ASCC3: variants seen among roughly 807,000 people sequenced by gnomAD.
The protein encoded by ASCC3 is ASC-1 complex subunit P200.
ASCC3 carries 158 observed loss-of-function variants against 256.3 expected under a neutral mutation model. The ratio of observed to expected loss-of-function variants is 0.62; its 90% CI spans 0.54 to 0.70. ASCC3 has a LOEUF of 0.70. Ranked by LOEUF, ASCC3 falls within the 30% of genes least tolerant of loss-of-function variation. The pLI, the probability that ASCC3 is intolerant of heterozygous loss-of-function variation, is 0.00. For synonymous variants in ASCC3, 948 were observed against 883.4 expected, an observed-to-expected ratio of 1.07 and a Z score of -1.30; for missense variants, 2,259 against 2,626.0, an observed-to-expected ratio of 0.86 and a Z score of 3.05.
intron 26 of ASCC3, 151 bp downstream of exon 26, chr6:100,630,977 T>A: frequency 1.7e-6 from 1 of 596,260 alleles, no homozygotes; most frequent in South Asian, 2.2e-5. Context: ...TTTAAATAAA[T>A]GACTATGAAA....
intron 3 of ASCC3, among the ~76,000 whole-genome samples, chr6:100,854,781 A>G (rs1024909047): frequency 1.3e-5 from 2 of 152,194 alleles, no homozygotes; most frequent in Non-Finnish European, 2.9e-5. Context: ...TTCATATAAA[A>G]GCTTCCTATA....
intron 4 of ASCC3, among the ~76,000 whole-genome samples, chr6:100,828,875 CCTG>C (rs2114449981): frequency 6.6e-6 from 1 of 152,156 alleles, no homozygotes; most frequent in East Asian, 1.9e-4. Flanking sequence ...GCTCCAGCAG[CCTG>C]CTTTTATTCT....
chr6:100,530,572 G>A, intron 37 of ASCC3: 1 of 785,882 alleles, frequency 1.3e-6, no homozygotes, highest in Non-Finnish European at 2.4e-6. Context: ...AATCCAGCCA[G>A]CATTAGTGTG....
At chr6:100,592,859 A>G (rs1336243527) in intron 34 of ASCC3, among the ~76,000 whole-genome samples, 4 of 152,142 alleles carry the variant, frequency 2.6e-5, no homozygotes, top group Non-Finnish European at 5.9e-5. Context: ...TTTAAACACA[A>G]ACATTTCACA....
At chr6:100,876,267 T>C (rs28385596) in intron 1 of ASCC3, among the ~76,000 whole-genome samples, 11,477 of 152,164 alleles carry the variant, frequency 0.075, 613 homozygotes, top group Non-Finnish European at 0.11. Context: ...CTGATTTTAT[T>C]TGAGATATGC....
intron 13 of ASCC3, among the ~76,000 whole-genome samples, chr6:100,686,303 G>T (rs1777562722): frequency 6.6e-6 from 1 of 151,990 alleles, no homozygotes; most frequent in Non-Finnish European, 1.5e-5. Flanking sequence ...TTTTGATAGG[G>T]TAATATATTT....
chr6:100,693,864 AAAAT>A (rs1207093013), intron 13 of ASCC3, among the ~76,000 whole-genome samples: 2 of 152,152 alleles, frequency 1.3e-5, no homozygotes, highest in African/African-American at 4.8e-5. Flanking sequence ...CAATATATTA[AAAAT>A]AAATAAATAA....
rs192400822 is a variant in ASCC3 at position 100,732,411 on chromosome 6, C to A, written c.1738-6708G>T. 2.7e-4 allele frequency among the ~76,000 whole-genome samples: 41 copies of A among 152,202 alleles called. 1 individual carries two copies. The East Asian group carries it at 7.5e-3, about 28-fold the overall frequency. ...AAGGCAGACAGAGGAAAGGGGGAATCTAAAACCTTATCAACAAATTACAGT... is the reference window on the plus strand; with the variant it reads ...AAGGCAGACAGAGGAAAGGGGGAATATAAAACCTTATCAACAAATTACAGT... On this transcript the variant is annotated intron_variant, in intron 10 of 41. Coordinates refer to ENST00000369162, the MANE Select transcript of ASCC3 (RefSeq NM_006828.4).
chr6:100,529,411 C>T (rs529487119), intron 37 of ASCC3, among the ~76,000 whole-genome samples: 5 of 152,176 alleles, frequency 3.3e-5, no homozygotes, highest in Non-Finnish European at 7.4e-5. Context: ...ACAAAAAAGG[C>T]AAACACCCTA....
chr6:100,702,343 T>C (rs1206521263), intron 13 of ASCC3, among the ~76,000 whole-genome samples: 1 of 152,178 alleles, frequency 6.6e-6, no homozygotes, highest in African/African-American at 2.4e-5. Flanking sequence ...TTCTGGCTTA[T>C]GGAACTAAAT....
chr6:100,769,299 T>C (rs993932799), intron 8 of ASCC3, among the ~76,000 whole-genome samples: 1 of 151,952 alleles, frequency 6.6e-6, no homozygotes, highest in South Asian at 2.1e-4. Context: ...AGTTCTGGTG[T>C]CTTATTACAC....
At chr6:100,636,118 C>A (rs1229398411) in intron 25 of ASCC3, among the ~76,000 whole-genome samples, 1 of 152,180 alleles carries the variant, frequency 6.6e-6, no homozygotes. Context: ...CATTTTACTG[C>A]ACTTTGCGGA....
chr6:100,847,575 G>A (rs892196306), intron 4 of ASCC3, among the ~76,000 whole-genome samples: 6 of 151,738 alleles, frequency 4.0e-5, no homozygotes, highest in African/African-American at 1.5e-4. Flanking sequence ...CAATAATAAC[G>A]ACAAAAATAA....
intron 8 of ASCC3, among the ~76,000 whole-genome samples, chr6:100,774,854 T>A (rs1006299819): frequency 5.3e-5 from 8 of 152,124 alleles, no homozygotes; most frequent in African/African-American, 1.9e-4. Context: ...TTAGATTACA[T>A]CATTTAGGTT....
intron 41 of ASCC3, 59 bp from the exon 42 acceptor site, chr6:100,509,592 A>C: frequency 6.6e-7 from 1 of 1,516,052 alleles, no homozygotes; most frequent in East Asian, 2.4e-5. Flanking sequence ...AATCATATTT[A>C]ATTCTTTCAG....
At chr6:100,672,936 G>A (rs1020246505) in intron 14 of ASCC3, among the ~76,000 whole-genome samples, 2 of 151,986 alleles carry the variant, frequency 1.3e-5, no homozygotes, top group African/African-American at 2.4e-5. Flanking sequence ...AATATTTGCT[G>A]AGTGATCACG....
intron 36 of ASCC3, among the ~76,000 whole-genome samples, chr6:100,587,778 T>C (rs1323245555): frequency 3.3e-5 from 5 of 152,320 alleles, no homozygotes; most frequent in South Asian, 2.1e-4. Flanking sequence ...TTTTATATAG[T>C]GTAATGCCAG....
At chr6:100,595,356 C>T (rs575260515) in intron 34 of ASCC3, among the ~76,000 whole-genome samples, 1 of 152,188 alleles carries the variant, frequency 6.6e-6, no homozygotes, top group South Asian at 2.1e-4. Context: ...TTTATGTTCA[C>T]ACAAAATCTC....
intron 37 of ASCC3, among the ~76,000 whole-genome samples, chr6:100,527,541 T>A (rs939307965): frequency 6.6e-6 from 1 of 152,190 alleles, no homozygotes; most frequent in Non-Finnish European, 1.5e-5. Context: ...CATTCTTTAA[T>A]ACATCACCAA....
Sources: allele counts gnomAD v4.1 joint callset (sites outside exome capture counted in the v4.1 genomes callset), GRCh38; gene constraint gnomAD v4.1.1; transcripts MANE v1.5; gene names NCBI Gene and HGNC (gene_info 2026-07-23, HGNC 2026-07-21).